NECAB2: variants seen among roughly 807,000 people sequenced by gnomAD.
NECAB2 encodes N-terminal EF-hand calcium binding protein 2.
In NECAB2, 68 loss-of-function variants were observed where a neutral mutation model predicts 51.9. The observed-to-expected ratio is 1.31, with a 90% CI of 1.08 to 1.60. NECAB2 has a LOEUF of 1.60. Among genes scored for constraint, NECAB2 ranks in the 40% most tolerant of loss-of-function variants. The pLI, the probability that NECAB2 is intolerant of heterozygous loss-of-function variation, is 0.00. For synonymous variants in NECAB2, 329 were observed against 203.5 expected, an observed-to-expected ratio of 1.62 and a Z score of -5.25; for missense variants, 854 against 490.3, an observed-to-expected ratio of 1.74 and a Z score of -7.00.
chr16:83,994,246 G>A (rs1417307064), intron 6 of NECAB2, 56 bp from the exon 7 acceptor site: 2 of 1,504,090 alleles, frequency 1.3e-6, no homozygotes, highest in Admixed American at 1.7e-5. Flanking sequence ...TGCTGGAAGT[G>A]GTAAGGGCCC....
chr16:83,978,015 A>G (rs1401785439), intron 2 of NECAB2, among the ~76,000 whole-genome samples: 1 of 152,196 alleles, frequency 6.6e-6, no homozygotes. Context: ...GTTATCTTAA[A>G]TAGCACCTGC....
rs1193097172 is a variant in NECAB2, at chr16:83,988,547, C to G, written c.460-1947C>G. Among the ~76,000 whole-genome samples the G allele has an allele frequency of 3.9e-5, 6 of 152,150 alleles. No individual in the cohort carries two copies. The South Asian group carries it at 1.0e-3, about 26-fold the overall frequency. ...GGTTAATGTTTTTATTTCCTAACCT[C>G]TGTAACCTGAATGTTTAATTTGAGT... is the stretch of plus-strand genomic sequence containing the variant. On this transcript the variant is annotated intron_variant, in intron 5 of 12. Coordinates refer to ENST00000305202, the MANE Select transcript of NECAB2 (RefSeq NM_019065.3).
chr16:84,000,058 A>ATTTT (rs780319058), intron 10 of NECAB2, among the ~76,000 whole-genome samples: 7 of 118,224 alleles, frequency 5.9e-5, no homozygotes, highest in African/African-American at 4.1e-4. Context: ...AGCAAGTTTT[A>ATTTT]TTTTTTTTTT....
In NECAB2 at chr16:83,968,573, AG is replaced by A. The variant is rs1443664609; in HGVS notation, c.-71del. ...GCGGGGCGGCGCGGGCAGCGCGGGG[AG>A]GGGGTCGCGCGGGGGCGGGCCGCAG... On this transcript the variant is annotated 5_prime_UTR_variant, in exon 1 of 13. Coordinates refer to ENST00000305202, the MANE Select transcript of NECAB2 (RefSeq NM_019065.3). 2.4e-5 allele frequency: 23 copies of A among 939,748 alleles called. No homozygotes were observed. Among genetic ancestry groups the A allele is most frequent in the Admixed American group, 6.6e-5 (1 of 15,220 alleles). 58.2% of individuals were successfully genotyped at this position (939,748 alleles called of 1,614,324 possible). A position where few individuals can be genotyped will look rare whatever the true frequency, so the allele number is the denominator to read the frequency against.
At chr16:83,983,591 A>AT (rs929851725) in intron 5 of NECAB2, among the ~76,000 whole-genome samples, 1 of 152,010 alleles carries the variant, frequency 6.6e-6, no homozygotes, top group Non-Finnish European at 1.5e-5. Context: ...TGATCATATG[A>AT]TTTTTTTCCC....
At chr16:83,998,720 T>C (rs141871400) in intron 10 of NECAB2, among the ~76,000 whole-genome samples, 269 of 152,240 alleles carry the variant, frequency 1.8e-3, no homozygotes, top group Non-Finnish European at 2.5e-3. Flanking sequence ...GCCCAGAATG[T>C]AGTATTTGCT....
upstream of NECAB2, among the ~76,000 whole-genome samples, chr16:83,968,120 C>G (rs1169187088): frequency 1.3e-5 from 2 of 151,396 alleles, no homozygotes; most frequent in African/African-American, 4.9e-5. Context: ...AGGGGGCGTG[C>G]ACGCCCGCGG....
Position 83,991,850 on chromosome 16 carries a change from C to T in NECAB2, c.596+1220C>T, listed in dbSNP as rs1254858599. 1.5e-5 allele frequency among the ~76,000 whole-genome samples: 2 copies of T among 132,412 alleles called. 1 individual carries two copies. The allele number at this position is 132,412 out of a possible 152,430, so 86.9% of individuals were successfully genotyped here. A position where few individuals can be genotyped will look rare whatever the true frequency, so the allele number is the denominator to read the frequency against. On this transcript the variant is annotated intron_variant, in intron 6 of 12. Coordinates refer to ENST00000305202, the MANE Select transcript of NECAB2 (RefSeq NM_019065.3). ...TTTTTTTTTTTTGTAGAGACGGGGT[C>T]TCGCCATGTTGGCCAGGCTGTTCTC...
Position 83,994,291 on chromosome 16 carries a change from C to G in NECAB2, c.597-11C>G, listed in dbSNP as rs758685981. 30 of 1,613,848 alleles carry G rather than the reference C, an allele frequency of 1.9e-5. No homozygotes were observed. The highest frequency in any genetic ancestry group is 3.3e-4 in the Middle Eastern group (2 of 6,062). Reference sequence around the variant, plus strand: ...CGCCATGGTCTGTGTGTGTTCCCATCCAAACTGCAGACAGAACCACATCAA... The same window carrying G: ...CGCCATGGTCTGTGTGTGTTCCCATGCAAACTGCAGACAGAACCACATCAA... On this transcript the variant is annotated splice_polypyrimidine_tract_variant and intron_variant, in intron 6 of 12. Transcript: ENST00000305202.
intron 1 of NECAB2, among the ~76,000 whole-genome samples, chr16:83,969,316 C>G (rs528550175): frequency 6.6e-6 from 1 of 152,272 alleles, no homozygotes; most frequent in East Asian, 1.9e-4. Flanking sequence ...GCCCTAGACC[C>G]TGAGCCCCCG....
chr16:83,965,230 C>T (rs267604661), upstream of NECAB2: 1 of 1,612,738 alleles, frequency 6.2e-7, no homozygotes, highest in South Asian at 1.1e-5. Context: ...CCAGCCCCCT[C>T]TTCCAGGTGA....
At chr16:83,969,375 A>G (rs926469465) in intron 1 of NECAB2, among the ~76,000 whole-genome samples, 2 of 151,826 alleles carry the variant, frequency 1.3e-5, no homozygotes, top group Non-Finnish European at 2.9e-5. Context: ...CCACTTTAAA[A>G]GTGAAGCCCC....
intron 5 of NECAB2, among the ~76,000 whole-genome samples, chr16:83,983,984 A>G (rs570656508): frequency 6.1e-5 from 9 of 146,708 alleles, no homozygotes; most frequent in Admixed American, 2.0e-4. Flanking sequence ...AAATACATAT[A>G]TATATATGGT....
upstream of NECAB2, chr16:83,965,589 A>G (rs779399903): frequency 1.9e-5 from 30 of 1,612,940 alleles, no homozygotes; most frequent in South Asian, 2.5e-4. Context: ...GAGTACCACA[A>G]GGTGCACCAG....
At chr16:83,974,038 A>C (rs113511056) in intron 2 of NECAB2, among the ~76,000 whole-genome samples, 2 of 116,880 alleles carry the variant, frequency 1.7e-5, no homozygotes, top group South Asian at 2.3e-4. Context: ...CCATGTGTCC[A>C]CCCCCTGAGC....
At position 83,981,145 on chromosome 16, in the gene NECAB2, G is replaced by GC; in HGVS notation, c.459+23dup. On this transcript the variant is annotated intron_variant, in intron 5 of 12. Coordinates refer to ENST00000305202, the MANE Select transcript of NECAB2 (RefSeq NM_019065.3). The stretch of plus-strand genomic sequence containing the variant: ...CCAAGAAGGTCAGTGGGTGTAGGTG[G>GC]CCCCCGGGGTCCAGGGCTCCAGTGC... 1.3e-6 allele frequency: 2 copies of GC among 1,593,526 alleles called. No individual in the cohort carries two copies. The highest frequency in any genetic ancestry group is 1.7e-6 in the Non-Finnish European group (2 of 1,171,098).
At chr16:83,992,072 T>A (rs146130363) in intron 6 of NECAB2, among the ~76,000 whole-genome samples, 1 of 152,334 alleles carries the variant, frequency 6.6e-6, no homozygotes, top group East Asian at 1.9e-4. Context: ...TTGTTTACGA[T>A]CCAGCTTGAA....
chr16:83,968,934 G>A, intron 1 of NECAB2, 85 bp downstream of exon 1: 1 of 899,376 alleles, frequency 1.1e-6, no homozygotes, highest in Non-Finnish European at 1.4e-6. Context: ...CCCCGACGCC[G>A]CGACCCGCGA....
chr16:83,997,405 T>G, intron 9 of NECAB2, 136 bp downstream of exon 9: 2 of 1,111,048 alleles, frequency 1.8e-6, no homozygotes, highest in Non-Finnish European at 2.6e-6. Context: ...CGCCCAGCGC[T>G]TGGCACCCAG....
Sources: allele counts gnomAD v4.1 joint callset (sites outside exome capture counted in the v4.1 genomes callset), GRCh38; gene constraint gnomAD v4.1.1; transcripts MANE v1.5; gene names NCBI Gene and HGNC (gene_info 2026-07-23, HGNC 2026-07-21).